Variants in EIF4E observed in about 807,000 individuals in gnomAD.
EIF4E encodes the protein eukaryotic translation initiation factor 4E, also known as eIF-4F 25 kDa subunit.
For synonymous variants in EIF4E, 71 were observed against 88.5 expected (o/e 0.80, Z 1.11); for missense variants, 113 against 265.6 (o/e 0.43, Z 3.99).
In EIF4E at chr4:98,886,759, C is replaced by T. The variant is rs529677865; in HGVS notation, c.399+320G>A. On this transcript the variant is annotated intron_variant, in intron 5 of 6. Coordinates refer to ENST00000450253, the MANE Select transcript of EIF4E (RefSeq NM_001968.5). Reference sequence around the variant, plus strand: ...AAAGTTTAGTATACATATAGCAATGCTGTAAGAGGGTTGCAAAAACTTCAA... The same window carrying T: ...AAAGTTTAGTATACATATAGCAATGTTGTAAGAGGGTTGCAAAAACTTCAA... 376 of 366,564 alleles carry T rather than the reference C, an allele frequency of 1.0e-3. 1 individual carries two copies. Among genetic ancestry groups the T allele is most frequent in the Non-Finnish European group, 1.4e-3 (266 of 189,628 alleles). The allele number at this position is 366,564 out of a possible 1,614,324, so 22.7% of individuals were successfully genotyped here. A position where few individuals can be genotyped will look rare whatever the true frequency, so the allele number is the denominator to read the frequency against.
At chr4:98,885,166 CAA>C (rs1723860759) in intron 5 of EIF4E, 105 bp from the exon 6 acceptor site, 6 of 1,356,892 alleles carry the variant, frequency 4.4e-6, no homozygotes, top group East Asian at 2.5e-5. Context: ...GTTTTTAAAT[CAA>C]GAGTTAATTT....
intron 6 of EIF4E, among the ~76,000 whole-genome samples, chr4:98,882,532 G>GT (rs201608043): frequency 2.6e-5 from 4 of 151,522 alleles, no homozygotes; most frequent in Non-Finnish European, 5.9e-5. Flanking sequence ...ACTAGGATAG[G>GT]TTTTTTTTAT....
chr4:98,918,740 TTA>T (rs1415576085), intron 1 of EIF4E, among the ~76,000 whole-genome samples: 1 of 152,146 alleles, frequency 6.6e-6, no homozygotes, highest in African/African-American at 2.4e-5. Flanking sequence ...AGTGAAAACT[TTA>T]TGTGTTGATA....
chr4:98,906,933 T>A (rs1310878234), intron 1 of EIF4E, among the ~76,000 whole-genome samples: 1 of 152,154 alleles, frequency 6.6e-6, no homozygotes, highest in Non-Finnish European at 1.5e-5. Context: ...AGGATCACAA[T>A]GGGGATTAAA....
At chr4:98,920,308 T>C (rs1193998980) in intron 1 of EIF4E, among the ~76,000 whole-genome samples, 1 of 148,700 alleles carries the variant, frequency 6.7e-6, no homozygotes, top group African/African-American at 2.5e-5. Flanking sequence ...TCTTTTTTCT[T>C]TTTTTTTTTT....
rs1181615952 is a variant in EIF4E at position 98,900,254 on chromosome 4, C to T, written c.125+1622G>A. On this transcript the variant is annotated intron_variant, in intron 2 of 6. Transcript: ENST00000450253. Reference sequence around the variant, plus strand: ...ATTGTTCAACCTAATACATGTGGTACATTGCTTCCCTGAGGAAGGATTTTA... The same window carrying T: ...ATTGTTCAACCTAATACATGTGGTATATTGCTTCCCTGAGGAAGGATTTTA... 2.6e-5 allele frequency among the ~76,000 whole-genome samples: 4 copies of T among 152,172 alleles called. No individual in the cohort carries two copies. The South Asian group carries it at 6.2e-4, about 24-fold the overall frequency.
intron 1 of EIF4E, among the ~76,000 whole-genome samples, chr4:98,912,792 C>T (rs1024642551): frequency 2.0e-5 from 3 of 152,028 alleles, no homozygotes; most frequent in Admixed American, 6.5e-5. Flanking sequence ...GCTATTTAAA[C>T]GTTTATACAT....
chr4:98,889,073 C>T (rs758972586), intron 3 of EIF4E, among the ~76,000 whole-genome samples: 1 of 151,654 alleles, frequency 6.6e-6, no homozygotes, highest in Non-Finnish European at 1.5e-5. Context: ...GCAGGAAAAT[C>T]GCTTGAACCC....
chr4:98,889,640 A>C (rs951038317), intron 3 of EIF4E, among the ~76,000 whole-genome samples: 6 of 152,240 alleles, frequency 3.9e-5, no homozygotes, highest in African/African-American at 1.4e-4. Flanking sequence ...AAAATCCTTC[A>C]TATCTCTAAG....
chr4:98,903,360 G>GGT, intron 1 of EIF4E: 2 of 384,678 alleles, frequency 5.2e-6, no homozygotes, highest in Non-Finnish European at 9.9e-6. Flanking sequence ...AAGAATATGG[G>GGT]TTTTTTTTTT....
At chr4:98,915,559 G>C (rs1478528319) in intron 1 of EIF4E, among the ~76,000 whole-genome samples, 1 of 127,038 alleles carries the variant, frequency 7.9e-6, no homozygotes, top group Non-Finnish European at 1.6e-5. Context: ...TTTTTTTTTT[G>C]AGACAGAGTC....
intron 2 of EIF4E, among the ~76,000 whole-genome samples, chr4:98,892,831 T>C (rs1326958610): frequency 6.6e-6 from 1 of 152,136 alleles, no homozygotes; most frequent in African/African-American, 2.4e-5. Flanking sequence ...GGGAAAATAA[T>C]AAAGATTGAG....
At chr4:98,893,907 T>C (rs77203752) in intron 2 of EIF4E, among the ~76,000 whole-genome samples, 3,020 of 152,276 alleles carry the variant, frequency 0.02, 37 homozygotes, top group South Asian at 0.027. Flanking sequence ...GAAATATAGT[T>C]CTTATTAATA....
intron 1 of EIF4E, among the ~76,000 whole-genome samples, chr4:98,924,758 A>G (rs1282571793): frequency 2.0e-5 from 3 of 151,976 alleles, no homozygotes; most frequent in Non-Finnish European, 4.4e-5. Context: ...AGGCCTGGCT[A>G]ATTTTTGTAT....
At chr4:98,905,221 T>C (rs1324350594) in intron 1 of EIF4E, among the ~76,000 whole-genome samples, 1 of 141,720 alleles carries the variant, frequency 7.1e-6, no homozygotes, top group Non-Finnish European at 1.5e-5. Context: ...TCAGGTTCTA[T>C]CAGGGAATTT....
chr4:98,920,873 G>A (rs930407154), intron 1 of EIF4E, among the ~76,000 whole-genome samples: 1 of 151,936 alleles, frequency 6.6e-6, no homozygotes, highest in African/African-American at 2.4e-5. Flanking sequence ...GTGTACCTAC[G>A]CATCAGTATC....
chr4:98,881,185 C>T (rs1723678298), intron 6 of EIF4E, 43 bp from the exon 7 acceptor site: 1 of 1,591,550 alleles, frequency 6.3e-7, no homozygotes, highest in Non-Finnish European at 8.6e-7. Context: ...TAGTCATTAA[C>T]TTTTACTCAC....
intron 1 of EIF4E, among the ~76,000 whole-genome samples, chr4:98,927,236 T>C (rs1725909399): frequency 6.6e-6 from 1 of 152,098 alleles, no homozygotes; most frequent in South Asian, 2.1e-4. Context: ...CTGGTGCCAA[T>C]AAAAAAACAA....
intron 1 of EIF4E, among the ~76,000 whole-genome samples, chr4:98,921,690 A>G (rs367910444): frequency 1.3e-5 from 2 of 152,348 alleles, no homozygotes; most frequent in South Asian, 2.1e-4. Context: ...TTTTCAAAAC[A>G]ACTGTTTTAC....
Sources: allele counts gnomAD v4.1 joint callset (sites outside exome capture counted in the v4.1 genomes callset), GRCh38; gene constraint gnomAD v4.1.1; transcripts MANE v1.5; gene names NCBI Gene and HGNC (gene_info 2026-07-23, HGNC 2026-07-21).